NUP155: variants seen among roughly 807,000 people sequenced by gnomAD.
The protein encoded by NUP155 is nuclear pore complex protein Nup155.
In NUP155, 71 loss-of-function variants were observed where a neutral mutation model predicts 180.4. That is an observed-to-expected ratio of 0.39 (90% CI 0.33 to 0.48). NUP155 has a LOEUF of 0.48. NUP155 is among the 20% of genes least tolerant of loss of function. NUP155 has a pLI of 0.91. For synonymous variants in NUP155, 582 were observed against 559.5 expected, an observed-to-expected ratio of 1.04 and a Z score of -0.57; for missense variants, 1,553 against 1,648.9, an observed-to-expected ratio of 0.94 and a Z score of 1.01.
chr5:37,297,090 C>T lies in NUP155; in HGVS notation c.3793+1778G>A, dbSNP rs1022519571. Reference sequence around the variant, plus strand: ...CAACACCATGAGATCCCTTCTCTATCAAAAGAAAAAAATATATATATATAA... The same window carrying T: ...CAACACCATGAGATCCCTTCTCTATTAAAAGAAAAAAATATATATATATAA... On this transcript the variant is annotated intron_variant, in intron 32 of 34. Coordinates refer to ENST00000231498, the MANE Select transcript of NUP155 (RefSeq NM_153485.3). Among the ~76,000 whole-genome samples, 11 of 151,978 alleles carry T rather than the reference C, an allele frequency of 7.2e-5. No individual in the cohort carries two copies. In the South Asian group the frequency reaches 2.3e-3, roughly 32 times the overall value.
At chr5:37,336,292 G>A (rs1745322557) in intron 12 of NUP155, among the ~76,000 whole-genome samples, 2 of 152,212 alleles carry the variant, frequency 1.3e-5, no homozygotes, top group Admixed American at 1.3e-4. Flanking sequence ...ACTAGTCTGG[G>A]CAATATAGTC....
rs1195107827 is a variant in NUP155 at position 37,348,491 on chromosome 5, A to G, written c.995+14T>C. The G allele has an allele frequency of 5.3e-6, 8 of 1,516,268 alleles. No homozygotes were observed. The highest frequency in any genetic ancestry group is 1.1e-5 in the South Asian group (1 of 88,992). The allele number at this position is 1,516,268 out of a possible 1,614,324, so 93.9% of individuals were successfully genotyped here. ...GCCTGCAAATGAAATGCTTAATAATAAATTACATGTTACCTAGCAATGTTA... is the reference window on the plus strand; with the variant it reads ...GCCTGCAAATGAAATGCTTAATAATGAATTACATGTTACCTAGCAATGTTA... On this transcript the variant is annotated intron_variant, in intron 9 of 34. Coordinates refer to ENST00000231498, the MANE Select transcript of NUP155 (RefSeq NM_153485.3).
chr5:37,311,213 A>G (rs537754003), intron 22 of NUP155, among the ~76,000 whole-genome samples: 58 of 152,296 alleles, frequency 3.8e-4, no homozygotes, highest in African/African-American at 1.3e-3. Context: ...ATAGTAAAAG[A>G]TTCTGTTAGT....
intron 32 of NUP155, among the ~76,000 whole-genome samples, chr5:37,296,566 G>T (rs899915888): frequency 1.6e-4 from 25 of 151,654 alleles, no homozygotes; most frequent in African/African-American, 6.0e-4. Flanking sequence ...CAGCCGCAGG[G>T]TCCTCTGCCT....
chr5:37,337,939 A>G, intron 11 of NUP155, 21 bp from the exon 12 acceptor site: 1 of 1,322,682 alleles, frequency 7.6e-7, no homozygotes, highest in Non-Finnish European at 1.1e-6. Flanking sequence ...AATATACAAA[A>G]TATTATTACA....
At position 37,350,210 on chromosome 5, in the gene NUP155, G is replaced by C. The variant is rs749533324; in HGVS notation, c.779C>G (p.Ser260Ter). The change falls in exon 7 of 35, where the codon TCA becomes TGA. Residue 260 changes from serine to a stop codon, truncating the protein, a stop_gained. Transcript: ENST00000231498. LOFTEE classifies it high-confidence loss of function. Reference protein sequence around the residue: ...RCRKINHSKSSLSFLVPSLLQ... With the variant: ...RCRKINHSKS ...CAAGGAAGGAACAAGGAAAGAAAGT[G>C]AGCTCTTTGAGTGGTTTATTTTCCT... The C allele has an allele frequency of 6.2e-7, 1 of 1,613,820 alleles. No individual in the cohort carries two copies. The highest frequency in any genetic ancestry group is 8.5e-7 in the Non-Finnish European group (1 of 1,179,938).
At chr5:37,294,005 C>CAAAAAAAAAAAGAAAAAAAAAAAAA (rs1742374854) in intron 33 of NUP155, among the ~76,000 whole-genome samples, 1 of 37,282 alleles carries the variant, frequency 2.7e-5, no homozygotes, top group Non-Finnish European at 3.7e-5. Flanking sequence ...GACGCCGTCT[C>CAAAAAAAAAAAGAAAAAAAAAAAAA]AAAAAAAAAA....
Position 37,290,558 on chromosome 5 carries a change from T to C in NUP155, c.*1342A>G, listed in dbSNP as rs764011551. 5.3e-5 allele frequency: 8 copies of C among 152,086 alleles called. No individual in the cohort carries two copies. The highest frequency in any genetic ancestry group is 1.2e-4 in the Non-Finnish European group (8 of 68,018). The allele number at this position is 152,086 out of a possible 1,614,324, so 9.4% of individuals were successfully genotyped here. ...CCACTCTTCTTCTCTCTTGTTGCTA[T>C]TACTTTGAAGCATTTGGTTTGGTTA... On this transcript the variant is annotated 3_prime_UTR_variant, in exon 35 of 35. Transcript: ENST00000231498.
Position 37,328,366 on chromosome 5 carries a change from G to A in NUP155, c.1868C>T (p.Pro623Leu), listed in dbSNP as rs367733501. The A allele has an allele frequency of 7.5e-6, 12 of 1,606,920 alleles. No individual in the cohort carries two copies. The highest frequency in any genetic ancestry group is 4.0e-5 in the African/African-American group (3 of 74,686). The change falls in exon 17 of 35, where the codon CCG becomes CTG. Residue 623 changes from proline to leucine, a missense_variant. By Grantham distance (98) the Pro-to-Leu change is moderately conservative (BLOSUM62 -3). Transcript: ENST00000231498. ...ACAAAGAAAAGAGGTACCATGAGAC[G>A]GTGTTCCCAAAAAGGATGGATTTGG... The part of the protein sequence containing the change: ...PYPNPSFLGT[P>L]SHGIQPPAMS...
intron 24 of NUP155, among the ~76,000 whole-genome samples, chr5:37,308,244 C>T (rs1016452005): frequency 1.3e-5 from 2 of 152,066 alleles, no homozygotes; most frequent in Admixed American, 1.3e-4. Flanking sequence ...AGAACTGAAA[C>T]TCTAATGCTA....
chr5:37,364,737 C>T (rs1034876867), intron 1 of NUP155, among the ~76,000 whole-genome samples: 6 of 151,624 alleles, frequency 4.0e-5, no homozygotes, highest in Admixed American at 2.6e-4. Context: ...CCCGGGTTCA[C>T]GCCATTCTCC....
In NUP155 at chr5:37,370,960, C is replaced by CA; in HGVS notation, c.17dup (p.Leu6PhefsTer49). The CA allele has an allele frequency of 6.2e-7, 1 of 1,613,988 alleles. No individual in the cohort carries two copies. The highest frequency in any genetic ancestry group is 1.1e-5 in the South Asian group (1 of 91,076). On this transcript the variant is annotated frameshift_variant, in exon 1 of 35. Coordinates refer to ENST00000231498, the MANE Select transcript of NUP155 (RefSeq NM_153485.3). LOFTEE classifies it high-confidence loss of function. The stretch of plus-strand genomic sequence containing the variant: ...ATGTAGAGGCCGGCATCGCCGCGCC[C>CA]AACAAAGAAGACGGCATCTCGGAAA...
chr5:37,305,094 TCAGATGACAACACTGGAGGAC>T lies in NUP155; in HGVS notation c.2999_3019del (p.Gly1000_Ser1006del). The stretch of plus-strand genomic sequence containing the variant: ...TTCTTCATTACTCAGCATATTTGGA[TCAGATGACAACACTGGAGGAC>T]CAGGTTTTTTGGGTACACTGGGAGA... On this transcript the variant is annotated inframe_deletion, in exon 26 of 35. Transcript: ENST00000231498. The T allele has an allele frequency of 6.2e-7, 1 of 1,613,890 alleles. No individual in the cohort carries two copies. The highest frequency in any genetic ancestry group is 8.5e-7 in the Non-Finnish European group (1 of 1,180,044).
chr5:37,322,991 G>A (rs763419259), intron 20 of NUP155, among the ~76,000 whole-genome samples: 4 of 150,484 alleles, frequency 2.7e-5, no homozygotes, highest in Admixed American at 6.6e-5. Context: ...AAACCCAAAT[G>A]TCCACTCTTG....
At chr5:37,356,623 G>C (rs35701331) in intron 4 of NUP155, among the ~76,000 whole-genome samples, 21,122 of 152,072 alleles carry the variant, frequency 0.14, 1,799 homozygotes, top group East Asian at 0.3. Flanking sequence ...CTGGGCAACA[G>C]AGTGAGACTC....
intron 13 of NUP155, 82 bp from the exon 14 acceptor site, chr5:37,331,877 A>G: frequency 1.1e-6 from 1 of 873,862 alleles, no homozygotes; most frequent in South Asian, 1.3e-5. Flanking sequence ...ATTTGATAAA[A>G]TAAATGAAAC....
chr5:37,365,982 T>C (rs187888727), intron 1 of NUP155, among the ~76,000 whole-genome samples: 4,063 of 150,866 alleles, frequency 0.027, 188 homozygotes, highest in African/African-American at 0.097. Flanking sequence ...TAAACATTTA[T>C]AGATTAAAAC....
intron 12 of NUP155, 43 bp downstream of exon 12, chr5:37,337,775 A>C (rs751178402): frequency 1.6e-6 from 2 of 1,222,878 alleles, no homozygotes; most frequent in Non-Finnish European, 2.4e-6. Context: ...TCCTTCACTT[A>C]AAATTATATA....
intron 12 of NUP155, among the ~76,000 whole-genome samples, chr5:37,336,117 A>G (rs891435577): frequency 1.3e-5 from 2 of 152,190 alleles, no homozygotes; most frequent in Admixed American, 6.5e-5. Context: ...TGTTAAAAAC[A>G]AAAGTCCACC....
Sources: gnomAD v4.1 joint callset for allele counts (sites outside exome capture counted in the v4.1 genomes callset) on GRCh38, gnomAD v4.1.1 for gene constraint, MANE v1.5 for transcripts, NCBI Gene and HGNC (gene_info 2026-07-23, HGNC 2026-07-21) for gene names.